The following LPP variants were observed in gnomAD, a reference collection of about 807,000 sequenced individuals.
The protein encoded by LPP is lipoma-preferred partner.
A neutral mutation model predicts 60.4 loss-of-function variants in LPP; 38 were observed. The ratio of observed to expected loss-of-function variants is 0.63; its 90% CI spans 0.49 to 0.83. The LOEUF (loss-of-function observed/expected upper bound fraction) is 0.83, where lower values mean the gene tolerates loss of function less well. Ranked by LOEUF, LPP falls within the 40% of genes least tolerant of loss-of-function variation. LPP has a pLI of 0.00. For missense variants in LPP, 902 were observed against 783.6 expected, an observed-to-expected ratio of 1.15 and a Z score of -1.80; for synonymous variants, 328 against 290.8, an observed-to-expected ratio of 1.13 and a Z score of -1.30.
intron 8 of LPP, among the ~76,000 whole-genome samples, chr3:188,750,598 A>C (rs953271241): frequency 1.3e-5 from 2 of 152,124 alleles, no homozygotes; most frequent in Non-Finnish European, 2.9e-5. Context: ...GCACCACTGC[A>C]CTCCAACCTG....
chr3:188,322,862 C>T (rs1757346057), intron 2 of LPP, among the ~76,000 whole-genome samples: 1 of 152,190 alleles, frequency 6.6e-6, no homozygotes, highest in Non-Finnish European at 1.5e-5. Flanking sequence ...GGATACCTAT[C>T]TCAGGACCCA....
intron 7 of LPP, among the ~76,000 whole-genome samples, chr3:188,675,634 A>G (rs1857891169): frequency 6.6e-6 from 1 of 152,208 alleles, no homozygotes; most frequent in Admixed American, 6.5e-5. Flanking sequence ...TAGACAAGTC[A>G]TGTAACCGTT....
intron 5 of LPP, among the ~76,000 whole-genome samples, chr3:188,508,232 T>C (rs1167041575): frequency 6.6e-6 from 1 of 152,098 alleles, no homozygotes; most frequent in Non-Finnish European, 1.5e-5. Flanking sequence ...CTTGGCAGGA[T>C]TGTGACTTTC....
At chr3:188,512,097 G>A (rs1429519725) in intron 5 of LPP, among the ~76,000 whole-genome samples, 1 of 152,188 alleles carries the variant, frequency 6.6e-6, no homozygotes, top group Admixed American at 6.5e-5. Flanking sequence ...GAAAATGATG[G>A]AATAGCGACG....
chr3:188,639,129 C>T lies in LPP; in HGVS notation c.1113+29285C>T, dbSNP rs528117241. On this transcript the variant is annotated intron_variant, in intron 7 of 11. Coordinates refer to ENST00000617246, the MANE Select transcript of LPP (RefSeq NM_001375462.1). ...GACTTCAAACTATACTACAAGGCTA[C>T]GGTAACCAAAACAGCATGGTACTGG... 1.3e-3 allele frequency among the ~76,000 whole-genome samples: 204 copies of T among 152,242 alleles called. 1 individual carries two copies. Among genetic ancestry groups the T allele is most frequent in the African/African-American group, 4.7e-3 (194 of 41,556 alleles).
rs201989388 is a variant in LPP, at chr3:188,424,835, A to G, written c.193+18522A>G. ...GCTGAAGTTGCTTATCAGCTTAAGG[A>G]GATTTTGGGTTGAGATTTTGGGATT... On this transcript the variant is annotated intron_variant, in intron 4 of 11. Transcript: ENST00000617246. Among the ~76,000 whole-genome samples, 30 of 152,266 alleles carry G rather than the reference A, an allele frequency of 2.0e-4. No homozygotes were observed. The East Asian group carries it at 4.6e-3, about 23-fold the overall frequency.
chr3:188,542,580 T>C (rs1825506224), intron 6 of LPP, among the ~76,000 whole-genome samples: 1 of 152,204 alleles, frequency 6.6e-6, no homozygotes, highest in African/African-American at 2.4e-5. Flanking sequence ...CTAAACACTT[T>C]TGTATATGTG....
At chr3:188,693,874 G>A (rs755677610) in intron 7 of LPP, among the ~76,000 whole-genome samples, 1 of 152,178 alleles carries the variant, frequency 6.6e-6, no homozygotes, top group Non-Finnish European at 1.5e-5. Context: ...CTTTATTGGT[G>A]CAAAGAGAAT....
At chr3:188,169,141 T>C (rs1720847422) in intron 1 of LPP, among the ~76,000 whole-genome samples, 2 of 152,270 alleles carry the variant, frequency 1.3e-5, no homozygotes, top group Admixed American at 6.5e-5. Context: ...ACTTTTTCAA[T>C]CTTTTCTTTT....
At chr3:188,161,619 C>G (rs1718309974) in intron 1 of LPP, among the ~76,000 whole-genome samples, 1 of 152,194 alleles carries the variant, frequency 6.6e-6, no homozygotes, top group African/African-American at 2.4e-5. Flanking sequence ...CAATCACACC[C>G]TTGTCAGCTG....
chr3:188,304,945 AT>A (rs1204589673), intron 2 of LPP, among the ~76,000 whole-genome samples: 1 of 152,216 alleles, frequency 6.6e-6, no homozygotes, highest in Non-Finnish European at 1.5e-5. Flanking sequence ...TTACATATTT[AT>A]TTGGGCTGAA....
chr3:188,364,630 G>A (rs1770572585), intron 3 of LPP, among the ~76,000 whole-genome samples: 1 of 152,208 alleles, frequency 6.6e-6, no homozygotes, highest in Non-Finnish European at 1.5e-5. Flanking sequence ...TTCTGGAGGA[G>A]GAGGGTTTTG....
At chr3:188,508,541 C>T (rs555106502) in intron 5 of LPP, among the ~76,000 whole-genome samples, 60 of 152,226 alleles carry the variant, frequency 3.9e-4, no homozygotes, top group Non-Finnish European at 8.1e-4. Flanking sequence ...GTATTAAGCT[C>T]CAACAGGGTG....
At chr3:188,818,349 A>C (rs1017273678) in intron 9 of LPP, among the ~76,000 whole-genome samples, 10 of 152,176 alleles carry the variant, frequency 6.6e-5, no homozygotes, top group Admixed American at 4.6e-4. Flanking sequence ...ATTGAGGTTC[A>C]AGCTCTTCTG....
At chr3:188,162,754 A>G (rs1718678001) in intron 1 of LPP, among the ~76,000 whole-genome samples, 1 of 152,186 alleles carries the variant, frequency 6.6e-6, no homozygotes, top group African/African-American at 2.4e-5. Flanking sequence ...TGTCAGTGGT[A>G]ATGCAGTCTG....
intron 4 of LPP, among the ~76,000 whole-genome samples, chr3:188,477,855 T>G (rs1012597765): frequency 1.3e-5 from 2 of 152,302 alleles, no homozygotes; most frequent in South Asian, 4.2e-4. Flanking sequence ...GTGTATACAT[T>G]ATTAAATAAA....
intron 4 of LPP, among the ~76,000 whole-genome samples, chr3:188,406,906 C>A (rs1783624513): frequency 1.3e-5 from 2 of 152,216 alleles, no homozygotes; most frequent in Non-Finnish European, 2.9e-5. Flanking sequence ...CAGTTTACAT[C>A]AAGTAGAGTT....
At chr3:188,447,272 G>T (rs570167043) in intron 4 of LPP, among the ~76,000 whole-genome samples, 13 of 152,262 alleles carry the variant, frequency 8.5e-5, no homozygotes, top group Non-Finnish European at 1.9e-4. Flanking sequence ...TGAAACCAGG[G>T]TTGAGAATCA....
intron 7 of LPP, among the ~76,000 whole-genome samples, chr3:188,645,779 T>C (rs1479121591): frequency 6.6e-6 from 1 of 151,820 alleles, no homozygotes; most frequent in Non-Finnish European, 1.5e-5. Context: ...ATTGCAAAGT[T>C]TGTCATGCCC....
Sources: gnomAD v4.1 joint callset for allele counts (sites outside exome capture counted in the v4.1 genomes callset) on GRCh38, gnomAD v4.1.1 for gene constraint, MANE v1.5 for transcripts, NCBI Gene and HGNC (gene_info 2026-07-23, HGNC 2026-07-21) for gene names.